The following CFAP20DC variants were observed in gnomAD, a reference collection of about 807,000 sequenced individuals.
CFAP20DC encodes CFAP20 domain containing, also known as protein CFAP20DC.
In CFAP20DC, 84 loss-of-function variants were observed where a neutral mutation model predicts 101.7. That is an observed-to-expected ratio of 0.83 (90% CI 0.69 to 0.99). The LOEUF (loss-of-function observed/expected upper bound fraction) is 0.99, where lower values mean the gene tolerates loss of function less well. CFAP20DC is among the 50% of genes least tolerant of loss of function. The pLI is 0.00. For synonymous variants in CFAP20DC, 359 were observed against 351.2 expected, an observed-to-expected ratio of 1.02 and a Z score of -0.25; for missense variants, 1,007 against 970.3, an observed-to-expected ratio of 1.04 and a Z score of -0.50.
chr3:59,035,196 T>C (rs1014852757), intron 4 of CFAP20DC, among the ~76,000 whole-genome samples: 1 of 152,170 alleles, frequency 6.6e-6, no homozygotes, highest in African/African-American at 2.4e-5. Context: ...TAAAGCAGTG[T>C]TTAGAAGTAA....
chr3:58,922,313 T>C (rs1304188341), intron 5 of CFAP20DC, among the ~76,000 whole-genome samples: 1 of 152,212 alleles, frequency 6.6e-6, no homozygotes, highest in African/African-American at 2.4e-5. Context: ...AAACATTTTT[T>C]AGCATTCCGT....
At chr3:58,825,595 C>T (rs2075988379) in intron 14 of CFAP20DC, among the ~76,000 whole-genome samples, 1 of 151,714 alleles carries the variant, frequency 6.6e-6, no homozygotes, top group African/African-American at 2.4e-5. Flanking sequence ...AATCCCTCAC[C>T]AAGATAAAAT....
chr3:58,914,778 G>T lies in CFAP20DC; in HGVS notation c.394-914C>A, dbSNP rs1402163388. The stretch of plus-strand genomic sequence containing the variant: ...AGGTGAACCTTAGGTTGCTTCCACA[G>T]TAGAAAAAGTAAAAGAGACCGAAAT... On this transcript the variant is annotated intron_variant, in intron 5 of 16. Transcript: ENST00000482387. This position sits in a 1 kb window ranked among gnomAD's most constrained non-coding sequence, Gnocchi z 4.9. The T allele has an allele frequency of 6.6e-6, 1 of 151,428 alleles. No homozygotes were observed. The highest frequency in any genetic ancestry group is 1.9e-4 in the East Asian group (1 of 5,182). 9.4% of individuals were successfully genotyped at this position (151,428 alleles called of 1,614,324 possible).
intron 4 of CFAP20DC, among the ~76,000 whole-genome samples, chr3:59,022,170 A>G (rs2093814558): frequency 6.6e-6 from 1 of 152,106 alleles, no homozygotes; most frequent in Admixed American, 6.6e-5. Flanking sequence ...GTCAGAAATC[A>G]TGATTATGAA....
chr3:58,831,644 CT>C (rs1399080061), intron 14 of CFAP20DC, 41 bp downstream of exon 14: 1 of 1,569,512 alleles, frequency 6.4e-7, no homozygotes, highest in Non-Finnish European at 8.8e-7. Context: ...AAGCTTGCTC[CT>C]TGTTAAGCAA....
intron 4 of CFAP20DC, among the ~76,000 whole-genome samples, chr3:59,020,833 C>T (rs567494604): frequency 4.6e-5 from 7 of 152,196 alleles, no homozygotes; most frequent in South Asian, 2.1e-4. Context: ...CATTCTGGAA[C>T]GAGAAGACCC....
chr3:58,973,333 G>T (rs1040960458), intron 4 of CFAP20DC, among the ~76,000 whole-genome samples: 5 of 152,152 alleles, frequency 3.3e-5, no homozygotes, highest in Admixed American at 1.3e-4. Flanking sequence ...AGTCATGCTT[G>T]ACTCACATTT....
intron 3 of CFAP20DC, among the ~76,000 whole-genome samples, chr3:58,735,116 A>C (rs2067721709): frequency 6.6e-6 from 1 of 152,210 alleles, no homozygotes; most frequent in African/African-American, 2.4e-5. Flanking sequence ...GGATCCTAGT[A>C]ATAAAACAGA....
intron 4 of CFAP20DC, among the ~76,000 whole-genome samples, chr3:59,030,887 A>G (rs2093980967): frequency 6.6e-6 from 1 of 152,116 alleles, no homozygotes; most frequent in African/African-American, 2.4e-5. Flanking sequence ...GCAGTGGAGC[A>G]ATCTCGGCTC....
chr3:58,941,730 G>A (rs1194374028), intron 4 of CFAP20DC, among the ~76,000 whole-genome samples: 1 of 151,860 alleles, frequency 6.6e-6, no homozygotes, highest in Non-Finnish European at 1.5e-5. Context: ...CACTGCCCTC[G>A]GCTAATTTTT....
At chr3:58,803,152 G>A (rs1370994922) in intron 15 of CFAP20DC, among the ~76,000 whole-genome samples, 4 of 152,190 alleles carry the variant, frequency 2.6e-5, no homozygotes, top group Non-Finnish European at 2.9e-5. Context: ...TCTCACTGAG[G>A]CTCATGTGGC....
chr3:58,973,203 A>C (rs2092055293), intron 4 of CFAP20DC, among the ~76,000 whole-genome samples: 3 of 152,156 alleles, frequency 2.0e-5, no homozygotes, highest in Admixed American at 2.0e-4. Flanking sequence ...TGAACTCCAA[A>C]CTGTTTAATT....
chr3:58,902,633 G>A (rs952504836), intron 6 of CFAP20DC, among the ~76,000 whole-genome samples: 2 of 151,944 alleles, frequency 1.3e-5, no homozygotes, highest in African/African-American at 2.4e-5. Flanking sequence ...TTGTCTTTTT[G>A]TTGTTGAGTT....
At chr3:58,754,568 G>C (rs905352331) in intron 15 of CFAP20DC, among the ~76,000 whole-genome samples, 6 of 152,158 alleles carry the variant, frequency 3.9e-5, no homozygotes, top group African/African-American at 1.4e-4. Context: ...GTAAGGAGCA[G>C]GCAGGAGGAT....
At chr3:58,794,426 C>G in intron 15 of CFAP20DC, 1 of 432,402 alleles carries the variant, frequency 2.3e-6, no homozygotes, top group Non-Finnish European at 4.8e-6. Context: ...TTTTTGCCTT[C>G]AAGTCATCTT....
In CFAP20DC at chr3:59,046,857, G is replaced by A. The variant is rs1015574409; in HGVS notation, c.111+308C>T. On this transcript the variant is annotated intron_variant, in intron 2 of 16. Coordinates refer to ENST00000482387, the MANE Select transcript of CFAP20DC (RefSeq NM_001394063.1). ...ATGCTGAAGTAGAGCGGAAGAGGTT[G>A]TTAAAGATGAAGAAATCAAGAAACT... Among the ~76,000 whole-genome samples, 5 of 152,124 alleles carry A rather than the reference G, an allele frequency of 3.3e-5. No homozygotes were observed. In the East Asian group the frequency reaches 9.7e-4, roughly 29 times the overall value.
intron 15 of CFAP20DC, among the ~76,000 whole-genome samples, chr3:58,764,214 C>G (rs2070022149): frequency 6.6e-6 from 1 of 152,204 alleles, no homozygotes; most frequent in African/African-American, 2.4e-5. Flanking sequence ...GCTTTGTTTA[C>G]CTACTCTAGC....
intron 4 of CFAP20DC, among the ~76,000 whole-genome samples, chr3:58,966,496 ATG>A (rs763004654): frequency 5.6e-4 from 64 of 114,754 alleles, no homozygotes; most frequent in African/African-American, 1.2e-3. Flanking sequence ...ATATACACAT[ATG>A]TGTGTGTGTG....
intron 3 of CFAP20DC, chr3:58,734,577 A>G (rs903400251): frequency 4.4e-6 from 2 of 456,558 alleles, no homozygotes; most frequent in Admixed American, 4.7e-5. Flanking sequence ...TTTTAGAAAA[A>G]AAACAAACTC....
Sources: allele counts gnomAD v4.1 joint callset (sites outside exome capture counted in the v4.1 genomes callset), GRCh38; gene constraint gnomAD v4.1.1; non-coding constraint Gnocchi (gnomAD v3.1); transcripts MANE v1.5; gene names NCBI Gene and HGNC (gene_info 2026-07-23, HGNC 2026-07-21).